Variants in SGMS1 observed in about 807,000 individuals in gnomAD.
SGMS1 encodes phosphatidylcholine:ceramide cholinephosphotransferase 1.
SGMS1 carries 13 observed loss-of-function variants against 46.2 expected under a neutral mutation model. The ratio of observed to expected loss-of-function variants is 0.28; its 90% confidence interval spans 0.18 to 0.45. SGMS1 has a LOEUF of 0.45. SGMS1 is among the 20% of genes least tolerant of loss of function. The pLI is 1.00. For missense variants in SGMS1, 324 were observed against 519.9 expected, an observed-to-expected ratio of 0.62 and a Z score of 3.66; for synonymous variants, 203 against 187.8, an observed-to-expected ratio of 1.08 and a Z score of -0.66.
chr10:50,522,560 G>A (rs1837865753), intron 2 of SGMS1, among the ~76,000 whole-genome samples: 1 of 152,144 alleles, frequency 6.6e-6, no homozygotes, highest in African/African-American at 2.4e-5. Flanking sequence ...AACAATTGGA[G>A]GGTGTTCAGT....
intron 6 of SGMS1, among the ~76,000 whole-genome samples, chr10:50,371,370 C>A (rs1249567077): frequency 6.6e-6 from 1 of 152,220 alleles, no homozygotes; most frequent in Non-Finnish European, 1.5e-5. Flanking sequence ...CCCGTACACA[C>A]CCTATCCCAT....
At chr10:50,424,371 TC>T (rs1849294894) in intron 6 of SGMS1, among the ~76,000 whole-genome samples, 1 of 152,160 alleles carries the variant, frequency 6.6e-6, no homozygotes, top group African/African-American at 2.4e-5. Flanking sequence ...CATTTGAAAA[TC>T]AATGATTTAT....
chr10:50,540,407 A>G (rs550898497), intron 2 of SGMS1, among the ~76,000 whole-genome samples: 1 of 152,290 alleles, frequency 6.6e-6, no homozygotes, highest in South Asian at 2.1e-4. Context: ...AGCAGCACTT[A>G]AAATACTCAC....
intron 6 of SGMS1, among the ~76,000 whole-genome samples, chr10:50,410,071 A>C (rs1849075096): frequency 6.6e-6 from 1 of 152,218 alleles, no homozygotes; most frequent in South Asian, 2.1e-4. Flanking sequence ...CAAAGTAGGA[A>C]TTAGTTTACC....
intron 2 of SGMS1, among the ~76,000 whole-genome samples, chr10:50,566,370 T>C (rs1306573163): frequency 6.6e-6 from 1 of 152,222 alleles, no homozygotes; most frequent in Non-Finnish European, 1.5e-5. Flanking sequence ...AAACAGATGC[T>C]TTCTCTATTT....
intron 1 of SGMS1, among the ~76,000 whole-genome samples, chr10:50,604,845 A>G (rs565490080): frequency 1.1e-5 from 1 of 94,076 alleles, no homozygotes; most frequent in East Asian, 2.1e-4. Context: ...GACTAAAAAG[A>G]TCATACAAGA....
chr10:50,592,898 T>C (rs1246573883), intron 1 of SGMS1, among the ~76,000 whole-genome samples: 1 of 117,154 alleles, frequency 8.5e-6, no homozygotes, highest in African/African-American at 2.7e-5. Context: ...CGTTTAACTG[T>C]GGTAGCCAGC....
intron 1 of SGMS1, among the ~76,000 whole-genome samples, chr10:50,613,597 G>A (rs931002765): frequency 6.6e-6 from 1 of 152,100 alleles, no homozygotes; most frequent in Non-Finnish European, 1.5e-5. Flanking sequence ...CCAAGCAAAC[G>A]AGCTGTTACA....
intron 2 of SGMS1, among the ~76,000 whole-genome samples, chr10:50,531,389 A>C (rs140785980): frequency 9.2e-5 from 14 of 151,884 alleles, no homozygotes; most frequent in Non-Finnish European, 1.5e-4. Context: ...TTTTTTTTAT[A>C]AATTCCCTTA....
chr10:50,603,022 C>A (rs1215928823), intron 1 of SGMS1, among the ~76,000 whole-genome samples: 1 of 152,218 alleles, frequency 6.6e-6, no homozygotes, highest in Non-Finnish European at 1.5e-5. Flanking sequence ...CTCAGCCAGT[C>A]TAGGCTGTCT....
chr10:50,524,449 C>A (rs781522600), intron 2 of SGMS1, among the ~76,000 whole-genome samples: 3 of 152,210 alleles, frequency 2.0e-5, no homozygotes, highest in Admixed American at 2.0e-4. Context: ...ATGAAATACC[C>A]TTTTCCTCCT....
At chr10:50,488,513 T>A (rs1371873258) in intron 3 of SGMS1, among the ~76,000 whole-genome samples, 1 of 152,198 alleles carries the variant, frequency 6.6e-6, no homozygotes, top group East Asian at 1.9e-4. Flanking sequence ...ATATCGGGCT[T>A]TTTAATCAGT....
intron 6 of SGMS1, among the ~76,000 whole-genome samples, chr10:50,392,124 T>C (rs1848778394): frequency 6.7e-6 from 1 of 150,332 alleles, no homozygotes; most frequent in Non-Finnish European, 1.5e-5. Context: ...GTACGCCAAA[T>C]CCCCATGACA....
At position 50,317,964 on chromosome 10, in the gene SGMS1, C is replaced by T. The variant is rs113617052; in HGVS notation, c.742-6549G>A. ...GATTATAGGTGCATGCCGCCACACC[C>T]GGCTAATTTTTTGTATTTTAGTAGA... On this transcript the variant is annotated intron_variant, in intron 8 of 10. Coordinates refer to ENST00000361781, the MANE Select transcript of SGMS1 (RefSeq NM_147156.4). Among the ~76,000 whole-genome samples the T allele has an allele frequency of 4.6e-3, 694 of 152,106 alleles. 3 individuals are homozygous for T. Among genetic ancestry groups the T allele is most frequent in the South Asian group, 0.02 (96 of 4,816 alleles).
At chr10:50,529,970 C>T (rs145008809) in intron 2 of SGMS1, among the ~76,000 whole-genome samples, 59 of 152,314 alleles carry the variant, frequency 3.9e-4, no homozygotes, top group African/African-American at 1.3e-3. Flanking sequence ...GCAATTTCCT[C>T]GTCCAATCTT....
intron 6 of SGMS1, among the ~76,000 whole-genome samples, chr10:50,400,904 G>A (rs141962501): frequency 6.1e-4 from 93 of 152,234 alleles, no homozygotes; most frequent in African/African-American, 2.1e-3. Flanking sequence ...GAGGGTTCCT[G>A]GGCAGGAAGC....
chr10:50,591,027 G>A (rs1838535478), intron 1 of SGMS1, among the ~76,000 whole-genome samples: 1 of 151,958 alleles, frequency 6.6e-6, no homozygotes, highest in Non-Finnish European at 1.5e-5. Flanking sequence ...ATCCTTTCCA[G>A]CAAAGGTATT....
intron 5 of SGMS1, among the ~76,000 whole-genome samples, chr10:50,436,565 T>C (rs1200640956): frequency 6.6e-6 from 1 of 152,210 alleles, no homozygotes; most frequent in African/African-American, 2.4e-5. Flanking sequence ...GTATGAACCC[T>C]GGCTGTGATT....
At chr10:50,433,992 A>C (rs932109004) in intron 5 of SGMS1, among the ~76,000 whole-genome samples, 2 of 152,220 alleles carry the variant, frequency 1.3e-5, no homozygotes, top group Non-Finnish European at 2.9e-5. Context: ...GAGCCAGGCA[A>C]CAAAGGCCTC....
Sources: allele counts gnomAD v4.1 joint callset (sites outside exome capture counted in the v4.1 genomes callset), GRCh38; gene constraint gnomAD v4.1.1; transcripts MANE v1.5; gene names NCBI Gene and HGNC (gene_info 2026-07-23, HGNC 2026-07-21).